MMP1: variants seen among roughly 807,000 people sequenced by gnomAD.
MMP1 encodes the protein interstitial collagenase.
Under a neutral mutation model 49.6 loss-of-function variants are expected in MMP1, and 51 were observed. The ratio of observed to expected loss-of-function variants is 1.03; its 90% CI spans 0.82 to 1.30. The LOEUF is 1.30. Ranked by LOEUF, MMP1 falls within the 50% of genes most tolerant of loss-of-function variation. The pLI is 0.00. For synonymous variants in MMP1, 230 were observed against 196.8 expected, an observed-to-expected ratio of 1.17 and a Z score of -1.41; for missense variants, 623 against 568.7, an observed-to-expected ratio of 1.10 and a Z score of -0.97.
At position 102,795,510 on chromosome 11, in the gene MMP1, G is replaced by C; in HGVS notation, c.723C>G (p.Thr241=). 6.2e-7 allele frequency: 1 copy of C among 1,614,038 alleles called. No individual in the cohort carries two copies. The highest frequency in any genetic ancestry group is 8.5e-7 in the Non-Finnish European group (1 of 1,180,000). ...GAGCTAGCTGAACATCACCACTGAA[G>C]GTGTAGCTAGGGTACATCAAAGCCC... ...DIGALMYPSY[T]FSGDVQLAQD... Residue 241 remains threonine, a synonymous_variant, in exon 5 of 10, where the codon ACC becomes ACG. Coordinates refer to ENST00000315274, the MANE Select transcript of MMP1 (RefSeq NM_002421.4).
At chr11:102,791,616 A>T in intron 7 of MMP1, 121 bp from the exon 8 acceptor site, 4 of 1,054,750 alleles carry the variant, frequency 3.8e-6, no homozygotes, top group Middle Eastern at 2.3e-4. Context: ...GATTAGAATC[A>T]TCTAGGGAGA....
chr11:102,792,828 C>G (rs756756958), intron 6 of MMP1, 90 bp from the exon 7 acceptor site: 22 of 1,228,000 alleles, frequency 1.8e-5, no homozygotes, highest in Non-Finnish European at 2.5e-5. Context: ...GTTGCTGGCA[C>G]TAGTGGTGTG....
chr11:102,791,361 A>G lies in MMP1; in HGVS notation c.1168T>C (p.Tyr390His), dbSNP rs2134361789. The G allele has an allele frequency of 6.2e-7, 1 of 1,614,020 alleles. No individual in the cohort carries two copies. The highest frequency in any genetic ancestry group is 8.5e-7 in the Non-Finnish European group (1 of 1,179,852). Residue 390 changes from tyrosine (Y) to histidine (H), a missense_variant, in exon 8 of 10, where the codon TAC (tyrosine) becomes CAC (histidine). Tyr to His is a moderately conservative substitution (Grantham distance 83). Coordinates refer to ENST00000315274, the MANE Select transcript of MMP1 (RefSeq NM_002421.4). ...ALSEENTGKTYFFVANKYWRY... is the reference protein window; with the variant it reads ...ALSEENTGKTHFFVANKYWRY... ...CAGTATTTGTTAGCAACAAAGAAGTAGGTTTTTCCAGTGTTTTCCTCAGAA... is the reference window on the plus strand; with the variant it reads ...CAGTATTTGTTAGCAACAAAGAAGTGGGTTTTTCCAGTGTTTTCCTCAGAA...
At chr11:102,797,930 C>A in intron 1 of MMP1, 58 bp downstream of exon 1, 1 of 1,302,848 alleles carries the variant, frequency 7.7e-7, no homozygotes. Flanking sequence ...TATTACATTA[C>A]TGCAGAAAAA....
chr11:102,790,510 A>G lies in MMP1; in HGVS notation c.1312T>C (p.Phe438Leu), dbSNP rs761086000. The G allele has an allele frequency of 3.7e-5, 58 of 1,588,080 alleles. No individual in the cohort carries two copies. Among genetic ancestry groups the G allele is most frequent in the Non-Finnish European group, 4.4e-5 (51 of 1,163,254 alleles). The change falls in exon 10 of 10, where the codon TTC becomes CTC. Residue 438 changes from phenylalanine to leucine, a missense_variant. Transcript: ENST00000315274. ...AVFMKDGFFY[F>L]FHGTRQYKFD... ...TTGTATTGTCTTGTTCCATGAAAGA[A>G]ATAGAAAAATCCTAGAAACAAAACA...
intron 1 of MMP1, 69 bp downstream of exon 1, chr11:102,797,919 C>T (rs987475867): frequency 1.7e-6 from 2 of 1,190,842 alleles, no homozygotes; most frequent in African/African-American, 1.5e-5. Flanking sequence ...TTAAAAAACT[C>T]TATTACATTA....
At chr11:102,792,972 T>G (rs1858076045) in intron 6 of MMP1, among the ~76,000 whole-genome samples, 1 of 152,198 alleles carries the variant, frequency 6.6e-6, no homozygotes, top group Non-Finnish European at 1.5e-5. Context: ...AGCATACAAA[T>G]AAAATAGGCA....
At position 102,791,442 on chromosome 11, in the gene MMP1, C is replaced by T. The variant is rs749993257; in HGVS notation, c.1087G>A (p.Asp363Asn). Reference sequence around the variant, plus strand: ...GGGAAGCCAAAGGAGCTGTAGATGTCCTTGGGGTATCCGTGTAGCACATTC... The same window carrying T: ...GGGAAGCCAAAGGAGCTGTAGATGTTCTTGGGGTATCCGTGTAGCACATTC... Reference protein sequence around the residue: ...GQNVLHGYPKDIYSSFGFPRT... With the variant: ...GQNVLHGYPKNIYSSFGFPRT... The change falls in exon 8 of 10, where the codon GAC (aspartate) becomes AAC (asparagine). Residue 363 changes from aspartate to asparagine, a missense_variant. Asp to Asn is a conservative substitution (Grantham distance 23). Transcript: ENST00000315274. The T allele has an allele frequency of 3.7e-6, 6 of 1,614,020 alleles. No individual in the cohort carries two copies. The Admixed American group carries it at 1.0e-4, about 27-fold the overall frequency.
chr11:102,792,235 G>C (rs1292402909), intron 7 of MMP1, among the ~76,000 whole-genome samples: 1 of 152,146 alleles, frequency 6.6e-6, no homozygotes, highest in African/African-American at 2.4e-5. Flanking sequence ...CTTACTCATT[G>C]TACTACGTTA....
rs1263375520 is a variant in MMP1, at chr11:102,795,617, C to A, written c.626-10G>T. ...CGATGTAAGTTGTACTCTAAAAAGG[C>A]CAATAAATCAATTTGTAATTATTTG... is the stretch of plus-strand genomic sequence containing the variant. On this transcript the variant is annotated splice_polypyrimidine_tract_variant and intron_variant, in intron 4 of 9. Coordinates refer to ENST00000315274, the MANE Select transcript of MMP1 (RefSeq NM_002421.4). 1 of 1,593,756 alleles carries A rather than the reference C, an allele frequency of 6.3e-7. No homozygotes were observed. Among genetic ancestry groups the A allele is most frequent in the East Asian group, 2.2e-5 (1 of 44,576 alleles).
intron 4 of MMP1, among the ~76,000 whole-genome samples, 187 bp from the exon 5 acceptor site, chr11:102,795,794 G>T (rs1377383905): frequency 6.6e-6 from 1 of 152,158 alleles, no homozygotes; most frequent in Non-Finnish European, 1.5e-5. Flanking sequence ...GAAGAGACAT[G>T]TTGAAACCTA....
rs1300034914 is a variant in MMP1, at chr11:102,794,884, A to G, written c.899+290T>C. 6.6e-6 allele frequency among the ~76,000 whole-genome samples: 1 copy of G among 152,200 alleles called. No individual in the cohort carries two copies. Among genetic ancestry groups the G allele is most frequent in the Non-Finnish European group, 1.5e-5 (1 of 68,038 alleles). ...GCTACCAATGAGCTCTATGCCCCCA[A>G]AAGATCTCTTTCCTTCTCTCTGACT... On this transcript the variant is annotated intron_variant, in intron 6 of 9. Transcript: ENST00000315274. This position sits in a 1 kb window ranked among gnomAD's most constrained non-coding sequence, Gnocchi z 4.3.
Position 102,798,117 on chromosome 11 carries a change from T to G in MMP1, c.-25A>C, listed in dbSNP as rs1486649186. 3 of 1,587,650 alleles carry G rather than the reference T, an allele frequency of 1.9e-6. No homozygotes were observed. The highest frequency in any genetic ancestry group is 4.5e-5 in the East Asian group (2 of 44,720). Reference sequence around the variant, plus strand: ...TACTGGCCTTTGTCTTCTTTCTCAGTGCAAGGTAAGTGATGGCTTCCCAGC... The same window carrying G: ...TACTGGCCTTTGTCTTCTTTCTCAGGGCAAGGTAAGTGATGGCTTCCCAGC... On this transcript the variant is annotated 5_prime_UTR_variant, in exon 1 of 10. Transcript: ENST00000315274.
chr11:102,790,881 A>T, intron 8 of MMP1, 75 bp from the exon 9 acceptor site: 4 of 820,056 alleles, frequency 4.9e-6, no homozygotes, highest in South Asian at 2.9e-5. Flanking sequence ...CAGAAAATAC[A>T]CAATGAGGAA....
intron 8 of MMP1, among the ~76,000 whole-genome samples, chr11:102,791,025 C>A (rs796599835): frequency 6.6e-6 from 1 of 152,194 alleles, no homozygotes; most frequent in East Asian, 1.9e-4. Context: ...GTAGGTTCTA[C>A]GCTATGTCCT....
Position 102,797,383 on chromosome 11 carries a change from C to G in MMP1, c.223G>C (p.Val75Leu), listed in dbSNP as rs754278439. ...KQMQEFFGLKVTGKPDAETLK... is the reference protein window; with the variant it reads ...KQMQEFFGLKLTGKPDAETLK... ...GTTTCAGCATCTGGTTTCCCAGTCACTTTCAGCCCAAAGAATTCCTGCATT... is the reference window on the plus strand; with the variant it reads ...GTTTCAGCATCTGGTTTCCCAGTCAGTTTCAGCCCAAAGAATTCCTGCATT... Residue 75 changes from valine (V) to leucine (L), a missense_variant, in exon 2 of 10, where the codon GTG becomes CTG. Coordinates refer to ENST00000315274, the MANE Select transcript of MMP1 (RefSeq NM_002421.4). The G allele has an allele frequency of 1.2e-6, 2 of 1,614,208 alleles. No individual in the cohort carries two copies. The highest frequency in any genetic ancestry group is 2.2e-5 in the South Asian group (2 of 91,074).
At position 102,798,151 on chromosome 11, in the gene MMP1, G is replaced by A. The variant is rs3213460; in HGVS notation, c.-59C>T. 0.13 allele frequency: 182,605 copies of A among 1,399,982 alleles called. 13,303 individuals carry two copies. The highest frequency in any genetic ancestry group is 0.15 in the Middle Eastern group (637 of 4,256). The allele number at this position is 1,399,982 out of a possible 1,614,324, so 86.7% of individuals were successfully genotyped here. On this transcript the variant is annotated 5_prime_UTR_variant, in exon 1 of 10. Coordinates refer to ENST00000315274, the MANE Select transcript of MMP1 (RefSeq NM_002421.4). Reference sequence around the variant, plus strand: ...AGTGATGGCTTCCCAGCCTCTTGCTGCTCCAATATCCCAGCTAGGAAGCTC... The same window carrying A: ...AGTGATGGCTTCCCAGCCTCTTGCTACTCCAATATCCCAGCTAGGAAGCTC...
At position 102,796,646 on chromosome 11, in the gene MMP1, C is replaced by G. The variant is rs764594689; in HGVS notation, c.625+18G>C. The stretch of plus-strand genomic sequence containing the variant: ...GAAGGGGTGGGAGAATTGAGAGAGG[C>G]AAATTTGATTGGCTTACCTCTGAAA... On this transcript the variant is annotated intron_variant, in intron 4 of 9. Coordinates refer to ENST00000315274, the MANE Select transcript of MMP1 (RefSeq NM_002421.4). 4.2e-5 allele frequency: 68 copies of G among 1,609,052 alleles called. No individual in the cohort carries two copies. The highest frequency in any genetic ancestry group is 6.8e-5 in the Admixed American group (4 of 59,224).
At chr11:102,792,531 A>G (rs1858057752) in intron 7 of MMP1, 74 bp downstream of exon 7, 3 of 1,435,640 alleles carry the variant, frequency 2.1e-6, no homozygotes, top group Non-Finnish European at 2.9e-6. Flanking sequence ...TGTAGCTAGT[A>G]ACCTTATATC....
Sources: gnomAD v4.1 joint callset for allele counts (sites outside exome capture counted in the v4.1 genomes callset) on GRCh38, gnomAD v4.1.1 for gene constraint, Gnocchi (gnomAD v3.1) non-coding constraint, MANE v1.5 for transcripts, NCBI Gene and HGNC (gene_info 2026-07-23, HGNC 2026-07-21) for gene names.